Variants in VAT1L observed in about 807,000 individuals in gnomAD.
The protein encoded by VAT1L is putative NADPH-dependent quinone oxidoreductase VAT1L.
A neutral mutation model predicts 44.1 loss-of-function variants in VAT1L; 34 were observed. The ratio of observed to expected loss-of-function variants is 0.77; its 90% CI spans 0.59 to 1.03. VAT1L has a LOEUF of 1.03. Ranked by LOEUF, VAT1L falls within the 50% of genes least tolerant of loss-of-function variation. The probability of loss-of-function intolerance (pLI) is 0.00; values close to 1 mark genes in which losing one functional copy is unlikely to be tolerated. For synonymous variants in VAT1L, 253 were observed against 202.2 expected, an observed-to-expected ratio of 1.25 and a Z score of -2.13; for missense variants, 615 against 538.8, an observed-to-expected ratio of 1.14 and a Z score of -1.40.
At chr16:77,974,731 T>A (rs959485553) in intron 8 of VAT1L, among the ~76,000 whole-genome samples, 37 of 150,974 alleles carry the variant, frequency 2.5e-4, no homozygotes, top group Non-Finnish European at 4.1e-4. Flanking sequence ...CCCAGCTAAT[T>A]TTTTTTTTAT....
At chr16:77,886,731 G>T (rs575679613) in intron 7 of VAT1L, among the ~76,000 whole-genome samples, 1 of 152,186 alleles carries the variant, frequency 6.6e-6, no homozygotes, top group African/African-American at 2.4e-5. Context: ...GCTGCCTGTC[G>T]TAATAAGTTC....
chr16:77,879,132 T>A lies in VAT1L; in HGVS notation c.827-37T>A. 1 of 1,608,760 alleles carries A rather than the reference T, an allele frequency of 6.2e-7. No individual in the cohort carries two copies. Among genetic ancestry groups the A allele is most frequent in the East Asian group, 2.2e-5 (1 of 44,840 alleles). On this transcript the variant is annotated intron_variant, in intron 5 of 8. Coordinates refer to ENST00000302536, the MANE Select transcript of VAT1L (RefSeq NM_020927.3). This position sits in a 1 kb window ranked among gnomAD's most constrained non-coding sequence, Gnocchi z 4.1. ...GCATAACAAGAGATGTCCATTTTCA[T>A]TAGCAATTGCTTAATGTGGGAATCT...
chr16:77,812,676 A>G (rs2016286203), intron 1 of VAT1L, among the ~76,000 whole-genome samples: 1 of 152,210 alleles, frequency 6.6e-6, no homozygotes, highest in East Asian at 1.9e-4. Flanking sequence ...CTACAAATAT[A>G]AGAAAGTGTT....
intron 2 of VAT1L, among the ~76,000 whole-genome samples, chr16:77,819,966 T>G (rs1352746703): frequency 6.6e-6 from 1 of 152,200 alleles, no homozygotes; most frequent in Non-Finnish European, 1.5e-5. Flanking sequence ...GCCATTTAGT[T>G]TTCATAAAGA....
At chr16:77,881,093 CT>C (rs1335499729) in intron 6 of VAT1L, among the ~76,000 whole-genome samples, 9 of 152,162 alleles carry the variant, frequency 5.9e-5, no homozygotes, top group African/African-American at 1.7e-4. Context: ...GAACGATTTA[CT>C]TTCTTTTGGA....
chr16:77,937,347 C>G (rs2142508017), intron 7 of VAT1L, among the ~76,000 whole-genome samples: 1 of 152,282 alleles, frequency 6.6e-6, no homozygotes, highest in South Asian at 2.1e-4. Flanking sequence ...TCACAGTGAG[C>G]CGCCGTTGCC....
chr16:77,927,646 G>A (rs1284358249), intron 7 of VAT1L, among the ~76,000 whole-genome samples: 1 of 152,040 alleles, frequency 6.6e-6, no homozygotes, highest in Admixed American at 6.6e-5. Flanking sequence ...GGGAGGCTGA[G>A]GTGGGCGGAT....
intron 3 of VAT1L, among the ~76,000 whole-genome samples, chr16:77,841,084 T>C (rs573441588): frequency 2.0e-5 from 3 of 152,256 alleles, no homozygotes; most frequent in South Asian, 4.2e-4. Context: ...TAACATGTCA[T>C]TTTTTTGTTT....
rs529269514 is a variant in VAT1L at position 77,951,610 on chromosome 16, C to A, written c.1078-20240C>A. 5.4e-4 allele frequency among the ~76,000 whole-genome samples: 82 copies of A among 152,036 alleles called. No individual in the cohort carries two copies. The Middle Eastern group carries it at 0.01, about 19-fold the overall frequency. On this transcript the variant is annotated intron_variant, in intron 7 of 8. Coordinates refer to ENST00000302536, the MANE Select transcript of VAT1L (RefSeq NM_020927.3). ...GTGTATATTCTTTTAATTAGCAAAA[C>A]AAAACTATAATGCCTGGGATGCAGA...
intron 1 of VAT1L, among the ~76,000 whole-genome samples, chr16:77,791,183 TAA>T (rs2015828776): frequency 6.6e-6 from 1 of 152,248 alleles, no homozygotes; most frequent in Non-Finnish European, 1.5e-5. Flanking sequence ...TCATTGATTA[TAA>T]GTTTTAGCCT....
At chr16:77,893,140 T>A (rs1255673238) in intron 7 of VAT1L, among the ~76,000 whole-genome samples, 1 of 152,138 alleles carries the variant, frequency 6.6e-6, no homozygotes, top group African/African-American at 2.4e-5. Flanking sequence ...AAAAAGCCTC[T>A]CCCAAAAGCA....
rs370692790 is a variant in VAT1L, at chr16:77,813,166, A to G, written c.234-3755A>G. Among the ~76,000 whole-genome samples, 10 of 151,914 alleles carry G rather than the reference A, an allele frequency of 6.6e-5. No homozygotes were observed. In the East Asian group the frequency reaches 1.2e-3, roughly 18 times the overall value. ...TGACATGCCCCTGTTTTTTTATTTT[A>G]TTTTATTTTTTCTGTTGTGGTAGAA... is the stretch of plus-strand genomic sequence containing the variant. On this transcript the variant is annotated intron_variant, in intron 1 of 8. Transcript: ENST00000302536.
chr16:77,831,264 G>T (rs1467222853), intron 3 of VAT1L, among the ~76,000 whole-genome samples: 2 of 152,168 alleles, frequency 1.3e-5, no homozygotes, highest in Non-Finnish European at 2.9e-5. Context: ...GAAACACAGG[G>T]CTTAGCAGAC....
intron 4 of VAT1L, among the ~76,000 whole-genome samples, chr16:77,871,488 G>A (rs923511877): frequency 6.6e-6 from 1 of 152,094 alleles, no homozygotes; most frequent in African/African-American, 2.4e-5. Context: ...TGACAGTGGT[G>A]GTCGCCTCAG....
intron 8 of VAT1L, among the ~76,000 whole-genome samples, chr16:77,976,081 A>C (rs997816172): frequency 2.0e-5 from 3 of 152,254 alleles, no homozygotes; most frequent in Non-Finnish European, 4.4e-5. Flanking sequence ...TACACTACTA[A>C]GGAACAGCTT....
chr16:77,895,560 G>A (rs1232132426), intron 7 of VAT1L, among the ~76,000 whole-genome samples: 2 of 152,154 alleles, frequency 1.3e-5, no homozygotes, highest in Non-Finnish European at 2.9e-5. Context: ...CTGGGAATGG[G>A]AAGAGCCTGT....
chr16:77,823,183 C>G (rs2016480179), intron 2 of VAT1L, among the ~76,000 whole-genome samples: 1 of 151,918 alleles, frequency 6.6e-6, no homozygotes, highest in African/African-American at 2.4e-5. Flanking sequence ...GCGCTCACCT[C>G]CAGGCTACTC....
intron 8 of VAT1L, among the ~76,000 whole-genome samples, chr16:77,977,317 G>C (rs1274638514): frequency 6.6e-6 from 1 of 152,148 alleles, no homozygotes; most frequent in Non-Finnish European, 1.5e-5. Context: ...AACATACCCT[G>C]CATTGGATTC....
intron 7 of VAT1L, among the ~76,000 whole-genome samples, chr16:77,930,363 A>T (rs1039386856): frequency 6.6e-6 from 1 of 152,156 alleles, no homozygotes; most frequent in African/African-American, 2.4e-5. Context: ...AACAATGGCC[A>T]ATTCCACCTA....
Sources: gnomAD v4.1 joint callset for allele counts (sites outside exome capture counted in the v4.1 genomes callset) on GRCh38, gnomAD v4.1.1 for gene constraint, Gnocchi (gnomAD v3.1) non-coding constraint, MANE v1.5 for transcripts, NCBI Gene and HGNC (gene_info 2026-07-23, HGNC 2026-07-21) for gene names.